Variants in ARHGEF28 observed in about 807,000 individuals in gnomAD.
The protein encoded by ARHGEF28 is Rho guanine nucleotide exchange factor 28.
Under a neutral mutation model 206.6 loss-of-function variants are expected in ARHGEF28, and 152 were observed. That is an observed-to-expected ratio of 0.74 (90% CI 0.64 to 0.84). ARHGEF28 has a LOEUF of 0.84. Among genes scored for constraint, ARHGEF28 ranks in the 40% least tolerant of loss-of-function variants. The probability of loss-of-function intolerance (pLI) is 0.00; values close to 1 mark genes in which losing one functional copy is unlikely to be tolerated. For missense variants in ARHGEF28, 2,028 were observed against 2,073.2 expected (o/e 0.98, Z 0.42); for synonymous variants, 763 against 776.4 (o/e 0.98, Z 0.29).
chr5:73,675,420 G>A (rs901040648), intron 1 of ARHGEF28, among the ~76,000 whole-genome samples: 4 of 152,054 alleles, frequency 2.6e-5, no homozygotes, highest in Non-Finnish European at 5.9e-5. Flanking sequence ...GTTCCATTGT[G>A]TGAAAATGAA....
rs532452348 is a variant in ARHGEF28, at chr5:73,794,470, C to G, written c.963+16C>G. ...AGATATAAAGGTAATGAATGACTCC[C>G]TGCTTCTTTCTTTGCACGTCTTTCC... On this transcript the variant is annotated intron_variant, in intron 8 of 35. Coordinates refer to ENST00000513042, the MANE Select transcript of ARHGEF28 (RefSeq NM_001177693.2). The G allele has an allele frequency of 1.1e-4, 172 of 1,573,006 alleles. No homozygotes were observed. The highest frequency in any genetic ancestry group is 8.3e-4 in the Middle Eastern group (5 of 5,996).
intron 1 of ARHGEF28, among the ~76,000 whole-genome samples, chr5:73,668,147 T>A (rs1253522411): frequency 6.6e-6 from 1 of 152,176 alleles, no homozygotes; most frequent in East Asian, 1.9e-4. Context: ...TTTTCTAGCT[T>A]GCCCCTCCAA....
In ARHGEF28 at chr5:73,629,626, G is replaced by A. The variant is rs546774589; in HGVS notation, c.-12+3304G>A. 2.6e-5 allele frequency among the ~76,000 whole-genome samples: 4 copies of A among 151,878 alleles called. No individual in the cohort carries two copies. The East Asian group carries it at 5.8e-4, about 22-fold the overall frequency. ...ATTTTTCCCTTGAAATTTGATCTCA[G>A]GCACAATAGTAATTTGCTTATTTGT... On this transcript the variant is annotated intron_variant, in intron 1 of 35. Transcript: ENST00000513042.
At chr5:73,841,141 C>A (rs891396548) in intron 11 of ARHGEF28, among the ~76,000 whole-genome samples, 1 of 152,040 alleles carries the variant, frequency 6.6e-6, no homozygotes, top group Non-Finnish European at 1.5e-5. Context: ...ATTTTCCTCT[C>A]GTGTACTAGG....
chr5:73,867,809 T>G, intron 18 of ARHGEF28, 67 bp from the exon 19 acceptor site: 1 of 1,603,538 alleles, frequency 6.2e-7, no homozygotes, highest in Non-Finnish European at 8.5e-7. Context: ...TTCTGGCTTT[T>G]AAGTGACTAC....
chr5:73,808,348 G>A (rs866781857), intron 9 of ARHGEF28, among the ~76,000 whole-genome samples: 5 of 152,262 alleles, frequency 3.3e-5, no homozygotes, highest in Middle Eastern at 3.4e-3. Context: ...GAGTGAGTGG[G>A]ACACTGCAGA....
At chr5:73,627,812 G>C (rs1316652319) in intron 1 of ARHGEF28, among the ~76,000 whole-genome samples, 4 of 152,206 alleles carry the variant, frequency 2.6e-5, no homozygotes, top group African/African-American at 9.6e-5. Context: ...GCTAGCTATA[G>C]AGTGTGTGAC....
At chr5:73,846,150 G>T in intron 11 of ARHGEF28, 118 bp from the exon 12 acceptor site, 1 of 861,040 alleles carries the variant, frequency 1.2e-6, no homozygotes, top group Non-Finnish European at 1.8e-6. Context: ...GAAATTAAAT[G>T]AATACCTATT....
chr5:73,732,352 CT>C (rs1220605239), intron 2 of ARHGEF28, among the ~76,000 whole-genome samples: 3 of 151,012 alleles, frequency 2.0e-5, no homozygotes, highest in Admixed American at 6.6e-5. Context: ...TTTTTTTTCA[CT>C]CAGTGACATG....
Position 73,941,103 on chromosome 5 carries a change from G to T in ARHGEF28, c.*90G>T, listed in dbSNP as rs1742589295. The T allele has an allele frequency of 3.3e-6, 4 of 1,215,592 alleles. No homozygotes were observed. The East Asian group carries it at 1.2e-4, about 37-fold the overall frequency. 75.3% of individuals were successfully genotyped at this position (1,215,592 alleles called of 1,614,324 possible). ...ATTCCTTATGTATGTGTGATTGTCT[G>T]TGTCCAAATTGCTTTAAGAATAATA... On this transcript the variant is annotated 3_prime_UTR_variant, in exon 36 of 36. Transcript: ENST00000513042.
chr5:73,913,175 T>C (rs1052576421), intron 35 of ARHGEF28, among the ~76,000 whole-genome samples: 4 of 152,194 alleles, frequency 2.6e-5, no homozygotes, highest in African/African-American at 9.7e-5. Flanking sequence ...CTTAAGAAAT[T>C]GTATGTCCAG....
intron 4 of ARHGEF28, among the ~76,000 whole-genome samples, chr5:73,768,296 T>C (rs1425867377): frequency 6.6e-6 from 1 of 152,106 alleles, no homozygotes; most frequent in Non-Finnish European, 1.5e-5. Context: ...GAATGGTAGA[T>C]CCACTGACAG....
intron 21 of ARHGEF28, among the ~76,000 whole-genome samples, chr5:73,870,835 A>G (rs1374653807): frequency 6.6e-6 from 1 of 152,226 alleles, no homozygotes; most frequent in East Asian, 1.9e-4. Flanking sequence ...AACTTCAAAA[A>G]ATTTCAACTA....
In ARHGEF28 at chr5:73,643,080, C is replaced by T. The variant is rs141609284; in HGVS notation, c.-12+16758C>T. Among the ~76,000 whole-genome samples the T allele has an allele frequency of 4.1e-4, 62 of 152,328 alleles. 2 individuals are homozygous for T. In the South Asian group the frequency reaches 6.4e-3, roughly 16 times the overall value. On this transcript the variant is annotated intron_variant, in intron 1 of 35. Coordinates refer to ENST00000513042, the MANE Select transcript of ARHGEF28 (RefSeq NM_001177693.2). ...AAAGGTTTGGCATAGTTCAAATTCA[C>T]ATCATGAACAAGTGTTTGATTTCTA...
At chr5:73,895,498 G>A (rs1162016305) in intron 29 of ARHGEF28, among the ~76,000 whole-genome samples, 1 of 152,170 alleles carries the variant, frequency 6.6e-6, no homozygotes, top group African/African-American at 2.4e-5. Flanking sequence ...GAGGGCAGCG[G>A]CTTCAAGGCA....
intron 9 of ARHGEF28, chr5:73,813,598 G>T: frequency 6.5e-7 from 1 of 1,535,762 alleles, no homozygotes; most frequent in South Asian, 1.2e-5. Flanking sequence ...GATGGATTCT[G>T]ACTCCGACTC....
intron 2 of ARHGEF28, among the ~76,000 whole-genome samples, chr5:73,695,370 G>A (rs186864063): frequency 4.6e-4 from 70 of 151,570 alleles, no homozygotes; most frequent in Non-Finnish European, 5.7e-4. Flanking sequence ...TCTTTTTCTC[G>A]CGAGCTCATC....
chr5:73,891,169 G>A (rs978981700), intron 26 of ARHGEF28, among the ~76,000 whole-genome samples: 16 of 152,112 alleles, frequency 1.1e-4, no homozygotes, highest in African/African-American at 3.9e-4. Context: ...TCATCTGCTT[G>A]GTGAGAAGAG....
At chr5:73,788,628 G>T (rs958255782) in intron 7 of ARHGEF28, among the ~76,000 whole-genome samples, 6 of 152,128 alleles carry the variant, frequency 3.9e-5, no homozygotes, top group African/African-American at 1.4e-4. Flanking sequence ...CACCACAAAG[G>T]TCTTCATCCT....
Sources: gnomAD v4.1 joint callset for allele counts (sites outside exome capture counted in the v4.1 genomes callset) on GRCh38, gnomAD v4.1.1 for gene constraint, MANE v1.5 for transcripts, NCBI Gene and HGNC (gene_info 2026-07-23, HGNC 2026-07-21) for gene names.